Variants in KLF9 observed in about 807,000 individuals in gnomAD.
KLF9 encodes KLF transcription factor 9, also known as Krueppel-like factor 9.
Under a neutral mutation model 17.3 loss-of-function variants are expected in KLF9, and 2 were observed. The observed-to-expected ratio is 0.12, with a 90% CI of 0.05 to 0.36. KLF9 has a LOEUF of 0.36. Among genes scored for constraint, KLF9 ranks in the 10% least tolerant of loss-of-function variants. KLF9 has a pLI of 1.00. For missense variants in KLF9, 226 were observed against 333.2 expected (o/e 0.68, Z 2.51); for synonymous variants, 138 against 139.2 (o/e 0.99, Z 0.06).
Position 70,385,923 on chromosome 9 carries a change from A to C in KLF9, c.*1853T>G, listed in dbSNP as rs1382820148. On this transcript the variant is annotated 3_prime_UTR_variant, in exon 2 of 2. Coordinates refer to ENST00000377126, the MANE Select transcript of KLF9 (RefSeq NM_001206.4). ...AGCAGTTCTCTTTATAGAACTACTA[A>C]TACAACTACGTTGGTTAAACAAAAA... 1 of 152,232 alleles carries C rather than the reference A, an allele frequency of 6.6e-6. No homozygotes were observed. The highest frequency in any genetic ancestry group is 1.9e-4 in the East Asian group (1 of 5,202). The allele number at this position is 152,232 out of a possible 1,614,324, so 9.4% of individuals were successfully genotyped here.
rs2037345381 is a variant in KLF9, at chr9:70,413,476, C to A, written c.-113G>T. 1.7e-6 allele frequency: 2 copies of A among 1,171,794 alleles called. No individual in the cohort carries two copies. Among genetic ancestry groups the A allele is most frequent in the Non-Finnish European group, 2.1e-6 (2 of 938,012 alleles). The allele number at this position is 1,171,794 out of a possible 1,614,324, so 72.6% of individuals were successfully genotyped here. A position where few individuals can be genotyped will look rare whatever the true frequency, so the allele number is the denominator to read the frequency against. On this transcript the variant is annotated 5_prime_UTR_variant, in exon 1 of 2. Coordinates refer to ENST00000377126, the MANE Select transcript of KLF9 (RefSeq NM_001206.4). This position sits in a 1 kb window ranked among gnomAD's most constrained non-coding sequence, Gnocchi z 5.6. ...GAGCGCGGCGCGGCGCGGCACGGCGCGGCGGCCAAGGGGGCGGGGGCGCGG... is the reference window on the plus strand; with the variant it reads ...GAGCGCGGCGCGGCGCGGCACGGCGAGGCGGCCAAGGGGGCGGGGGCGCGG...
Position 70,385,068 on chromosome 9 carries a change from C to A in KLF9, c.*2708G>T, listed in dbSNP as rs1252054121. The A allele has an allele frequency of 1.3e-5, 2 of 152,710 alleles. No homozygotes were observed. The highest frequency in any genetic ancestry group is 3.4e-3 in the Middle Eastern group (1 of 294). The allele number at this position is 152,710 out of a possible 1,614,324, so 9.5% of individuals were successfully genotyped here. A position where few individuals can be genotyped will look rare whatever the true frequency, so the allele number is the denominator to read the frequency against. ...CTACTTACAGTATTAGATAAAACAA[C>A]TTTTCTTTCTTTTTAAACACCTGCA... is the stretch of plus-strand genomic sequence containing the variant. On this transcript the variant is annotated 3_prime_UTR_variant, in exon 2 of 2. Coordinates refer to ENST00000377126, the MANE Select transcript of KLF9 (RefSeq NM_001206.4).
intron 1 of KLF9, among the ~76,000 whole-genome samples, chr9:70,408,647 G>A (rs371471943): frequency 1.3e-5 from 2 of 151,988 alleles, no homozygotes; most frequent in Non-Finnish European, 1.5e-5. Flanking sequence ...TGATACCTCC[G>A]ATGACATCAG....
At chr9:70,403,788 G>A (rs563786701) in intron 1 of KLF9, among the ~76,000 whole-genome samples, 4 of 152,272 alleles carry the variant, frequency 2.6e-5, no homozygotes, top group Middle Eastern at 3.4e-3. Flanking sequence ...AGCAGCTTCT[G>A]GATAACTATG....
chr9:70,395,615 A>G (rs1229029245), intron 1 of KLF9, among the ~76,000 whole-genome samples: 1 of 152,194 alleles, frequency 6.6e-6, no homozygotes. Context: ...CAACTTAATA[A>G]AAGTGGGCAA....
intron 1 of KLF9, among the ~76,000 whole-genome samples, chr9:70,409,104 GTATATATATACATATA>G (rs2037285634): frequency 5.5e-5 from 4 of 72,350 alleles, no homozygotes; most frequent in Admixed American, 1.8e-4. Flanking sequence ...ATATATATGT[GTATATATATACATATA>G]TGTATATATG....
At position 70,413,451 on chromosome 9, in the gene KLF9, G is replaced by T. The variant is rs925426599; in HGVS notation, c.-88C>A. On this transcript the variant is annotated 5_prime_UTR_variant, in exon 1 of 2. Coordinates refer to ENST00000377126, the MANE Select transcript of KLF9 (RefSeq NM_001206.4). The surrounding 1 kb of genome is among the most constrained non-coding windows in gnomAD (Gnocchi z 5.6). ...TCGCCCTGCCCTGGCCTCGGACGAC[G>T]AGCGCGGCGCGGCGCGGCACGGCGC... 1.0e-5 allele frequency: 13 copies of T among 1,263,146 alleles called. No homozygotes were observed. Among genetic ancestry groups the T allele is most frequent in the South Asian group, 8.0e-5 (3 of 37,402 alleles). 78.2% of individuals were successfully genotyped at this position (1,263,146 alleles called of 1,614,324 possible).
rs1014998774 is a variant in KLF9 at position 70,413,933 on chromosome 9, G to C, written c.-570C>G. ...ACCCCTGCTCCGGCCGGTCCGCACC[G>C]TTCCGGCATTCTCTTGCTCAGTAAC... On this transcript the variant is annotated 5_prime_UTR_variant, in exon 1 of 2. Coordinates refer to ENST00000377126, the MANE Select transcript of KLF9 (RefSeq NM_001206.4). This position sits in a 1 kb window ranked among gnomAD's most constrained non-coding sequence, Gnocchi z 5.6. The C allele has an allele frequency of 6.6e-6, 1 of 152,590 alleles. No homozygotes were observed. Among genetic ancestry groups the C allele is most frequent in the Non-Finnish European group, 1.5e-5 (1 of 68,094 alleles). The allele number at this position is 152,590 out of a possible 1,614,324, so 9.5% of individuals were successfully genotyped here.
chr9:70,393,016 C>CT (rs2037161871), intron 1 of KLF9, among the ~76,000 whole-genome samples: 1 of 152,190 alleles, frequency 6.6e-6, no homozygotes, highest in African/African-American at 2.4e-5. Context: ...ACAAGTTTCT[C>CT]TGAGTTCTCA....
At chr9:70,397,479 A>C (rs2037189551) in intron 1 of KLF9, among the ~76,000 whole-genome samples, 1 of 152,084 alleles carries the variant, frequency 6.6e-6, no homozygotes, top group Non-Finnish European at 1.5e-5. Flanking sequence ...TGACTAAAAA[A>C]AAAAACAAAA....
At chr9:70,402,723 G>C (rs926840325) in intron 1 of KLF9, among the ~76,000 whole-genome samples, 1 of 152,004 alleles carries the variant, frequency 6.6e-6, no homozygotes, top group East Asian at 1.9e-4. Context: ...CCTATCTTTC[G>C]GGTTGAACTC....
chr9:70,408,609 C>A (rs913399360), intron 1 of KLF9, among the ~76,000 whole-genome samples: 1 of 152,160 alleles, frequency 6.6e-6, no homozygotes, highest in Admixed American at 6.5e-5. Context: ...TAAGGCCCCA[C>A]CTCCCAGGCA....
At position 70,411,387 on chromosome 9, in the gene KLF9, C is replaced by A. The variant is rs574909022; in HGVS notation, c.505+1472G>T. ...CTCCAGTTAATATACCCCTACTTCA[C>A]CCCCAGAGCCACACTAAAGGTCACA... On this transcript the variant is annotated intron_variant, in intron 1 of 1. Coordinates refer to ENST00000377126, the MANE Select transcript of KLF9 (RefSeq NM_001206.4). 3.9e-5 allele frequency among the ~76,000 whole-genome samples: 6 copies of A among 152,272 alleles called. No homozygotes were observed. In the South Asian group the frequency reaches 1.2e-3, roughly 32 times the overall value.
rs1238779310 is a variant in KLF9 at position 70,387,218 on chromosome 9, A to T, written c.*558T>A. The T allele has an allele frequency of 2.0e-5, 3 of 153,754 alleles. No homozygotes were observed. The East Asian group carries it at 5.8e-4, about 29-fold the overall frequency. 9.5% of individuals were successfully genotyped at this position (153,754 alleles called of 1,614,324 possible). Reference sequence around the variant, plus strand: ...TATGGCGTTTTTTTTTTTAATCTCAAAAGTTAACGTGATTCAAGAGAGTGG... The same window carrying T: ...TATGGCGTTTTTTTTTTTAATCTCATAAGTTAACGTGATTCAAGAGAGTGG... On this transcript the variant is annotated 3_prime_UTR_variant, in exon 2 of 2. Coordinates refer to ENST00000377126, the MANE Select transcript of KLF9 (RefSeq NM_001206.4).
chr9:70,401,185 A>C (rs1389031391), intron 1 of KLF9, among the ~76,000 whole-genome samples: 1 of 145,498 alleles, frequency 6.9e-6, no homozygotes, highest in Non-Finnish European at 1.5e-5. Context: ...AAAAAAAAAA[A>C]AAAATTTTTT....
chr9:70,408,066 CTG>C (rs1053449627), intron 1 of KLF9, among the ~76,000 whole-genome samples: 2 of 152,124 alleles, frequency 1.3e-5, no homozygotes, highest in African/African-American at 4.8e-5. Flanking sequence ...TCAAGTGTAT[CTG>C]TGGAATTAAA....
intron 1 of KLF9, among the ~76,000 whole-genome samples, chr9:70,407,115 T>G (rs1278370948): frequency 2.0e-5 from 3 of 152,144 alleles, no homozygotes; most frequent in African/African-American, 7.2e-5. Flanking sequence ...TTCTTCTCAA[T>G]GAACTTACTA....
rs771975781 is a variant in KLF9 at position 70,413,049 on chromosome 9, C to T, written c.315G>A (p.Ser105=). The change falls in exon 1 of 2, where the codon TCG becomes TCA. Residue 105 remains serine, a synonymous_variant. Coordinates refer to ENST00000377126, the MANE Select transcript of KLF9 (RefSeq NM_001206.4). This position sits in a 1 kb window ranked among gnomAD's most constrained non-coding sequence, Gnocchi z 5.6. ...TCTCCTCCGGGCTGTGGGAAGGACT[C>T]GACCCAGATTCGGTGGTCACGTCGC... ...SDSDVTTESG[S]SPSHSPEERQ... is the part of the protein sequence containing the mutation. The T allele has an allele frequency of 6.5e-5, 105 of 1,613,948 alleles. 1 individual carries two copies. In the Admixed American group the frequency reaches 1.7e-3, roughly 26 times the overall value.
In KLF9 at chr9:70,413,473, G is replaced by C; in HGVS notation, c.-110C>G. 8.5e-7 allele frequency: 1 copy of C among 1,178,054 alleles called. No individual in the cohort carries two copies. The highest frequency in any genetic ancestry group is 1.1e-6 in the Non-Finnish European group (1 of 942,812). 73.0% of individuals were successfully genotyped at this position (1,178,054 alleles called of 1,614,324 possible). A position where few individuals can be genotyped will look rare whatever the true frequency, so the allele number is the denominator to read the frequency against. Reference sequence around the variant, plus strand: ...GACGAGCGCGGCGCGGCGCGGCACGGCGCGGCGGCCAAGGGGGCGGGGGCG... The same window carrying C: ...GACGAGCGCGGCGCGGCGCGGCACGCCGCGGCGGCCAAGGGGGCGGGGGCG... On this transcript the variant is annotated 5_prime_UTR_variant, in exon 1 of 2. Transcript: ENST00000377126. This position sits in a 1 kb window ranked among gnomAD's most constrained non-coding sequence, Gnocchi z 5.6.
Sources: gnomAD v4.1 joint callset for allele counts (sites outside exome capture counted in the v4.1 genomes callset) on GRCh38, gnomAD v4.1.1 for gene constraint, Gnocchi (gnomAD v3.1) non-coding constraint, MANE v1.5 for transcripts, NCBI Gene and HGNC (gene_info 2026-07-23, HGNC 2026-07-21) for gene names.